The following DCDC2 variants were observed in gnomAD, a reference collection of about 807,000 sequenced individuals.
DCDC2 encodes doublecortin domain containing 2, also known as doublecortin domain-containing protein 2.
Under a neutral mutation model 50.2 loss-of-function variants are expected in DCDC2, and 40 were observed. The ratio of observed to expected loss-of-function variants is 0.80; its 90% CI spans 0.62 to 1.04. DCDC2 has a LOEUF of 1.04. Among genes scored for constraint, DCDC2 ranks in the 50% least tolerant of loss-of-function variants. The pLI, the probability that DCDC2 is intolerant of heterozygous loss-of-function variation, is 0.00. For missense variants in DCDC2, 570 were observed against 581.9 expected, an observed-to-expected ratio of 0.98 and a Z score of 0.21; for synonymous variants, 234 against 210.6, an observed-to-expected ratio of 1.11 and a Z score of -0.96.
chr6:24,263,372 A>G (rs1203192066), intron 7 of DCDC2, among the ~76,000 whole-genome samples: 1 of 152,226 alleles, frequency 6.6e-6, no homozygotes, highest in East Asian at 1.9e-4. Flanking sequence ...CCCGAGAAAC[A>G]TGACCTCACC....
chr6:24,331,440 G>C (rs1346468709), intron 2 of DCDC2, among the ~76,000 whole-genome samples: 1 of 151,606 alleles, frequency 6.6e-6, no homozygotes, highest in Admixed American at 6.6e-5. Context: ...AGCTAGGACA[G>C]GAATAGATGA....
chr6:24,258,285 C>A (rs1762936903), intron 7 of DCDC2, among the ~76,000 whole-genome samples: 2 of 152,014 alleles, frequency 1.3e-5, no homozygotes, highest in African/African-American at 2.4e-5. Context: ...CGGGGGGTGG[C>A]CAGCTTTTAT....
chr6:24,280,264 A>G (rs911955583), intron 6 of DCDC2, among the ~76,000 whole-genome samples: 13 of 152,176 alleles, frequency 8.5e-5, no homozygotes, highest in African/African-American at 3.1e-4. Flanking sequence ...CAGTATGAAA[A>G]CTTGTCCAAA....
chr6:24,360,763 C>T (rs1760653694), upstream of DCDC2, among the ~76,000 whole-genome samples: 1 of 114,326 alleles, frequency 8.7e-6, no homozygotes, highest in South Asian at 2.9e-4. Context: ...ATAAAAAGAA[C>T]TGCCATTAAT....
chr6:24,319,028 A>T (rs1759724712), intron 2 of DCDC2, among the ~76,000 whole-genome samples: 1 of 152,130 alleles, frequency 6.6e-6, no homozygotes, highest in South Asian at 2.1e-4. Flanking sequence ...CAGCAGTTGT[A>T]CTAATTTACA....
chr6:24,367,170 C>T, the DCDC2 span, among the ~76,000 whole-genome samples: 5 of 152,152 alleles, frequency 3.3e-5, no homozygotes, highest in African/African-American at 4.8e-5. Flanking sequence ...ATTGCCAATT[C>T]GGCAAGAATG....
At chr6:24,335,735 C>T (rs370448143) in intron 2 of DCDC2, among the ~76,000 whole-genome samples, 3 of 152,194 alleles carry the variant, frequency 2.0e-5, no homozygotes, top group Admixed American at 6.5e-5. Context: ...AAGCAGGCAA[C>T]GACCTTCTTC....
chr6:24,348,676 G>A (rs947301782), intron 2 of DCDC2, among the ~76,000 whole-genome samples: 11 of 152,080 alleles, frequency 7.2e-5, no homozygotes, highest in Admixed American at 4.6e-4. Flanking sequence ...TGATCTAAGA[G>A]AAGCAGGCTA....
At chr6:24,320,054 A>G (rs562708493) in intron 2 of DCDC2, among the ~76,000 whole-genome samples, 1 of 152,330 alleles carries the variant, frequency 6.6e-6, no homozygotes, top group Non-Finnish European at 1.5e-5. Flanking sequence ...TATATACTGA[A>G]GTCTAACGAC....
At chr6:24,344,671 TTCTG>T (rs1002080817) in intron 2 of DCDC2, among the ~76,000 whole-genome samples, 8 of 152,354 alleles carry the variant, frequency 5.3e-5, no homozygotes, top group South Asian at 2.1e-4. Context: ...ACAGATACAC[TTCTG>T]TCTTTCTTAG....
chr6:24,299,133 T>G (rs73396024), intron 4 of DCDC2, among the ~76,000 whole-genome samples: 4,150 of 152,272 alleles, frequency 0.027, 167 homozygotes, highest in African/African-American at 0.09. Flanking sequence ...ATGGTGTATA[T>G]ACACCATGGA....
At position 24,248,691 on chromosome 6, in the gene DCDC2, A is replaced by G. The variant is rs183084712; in HGVS notation, c.922+29358T>C. On this transcript the variant is annotated intron_variant, in intron 7 of 9. Coordinates refer to ENST00000378454, the MANE Select transcript of DCDC2 (RefSeq NM_016356.5). ...AACATCTGTTTACTACATGCCACGTACTCCACCTGTTAATTGATGACTTAC... is the reference window on the plus strand; with the variant it reads ...AACATCTGTTTACTACATGCCACGTGCTCCACCTGTTAATTGATGACTTAC... Among the ~76,000 whole-genome samples the G allele has an allele frequency of 2.4e-4, 37 of 152,240 alleles. 1 individual carries two copies. The East Asian group carries it at 6.6e-3, about 27-fold the overall frequency.
chr6:24,202,336 A>T (rs1180079927), intron 8 of DCDC2, among the ~76,000 whole-genome samples: 1 of 152,232 alleles, frequency 6.6e-6, no homozygotes, highest in Non-Finnish European at 1.5e-5. Context: ...ACATACACAA[A>T]TCAATAAACG....
chr6:24,183,750 A>T (rs988262742), intron 8 of DCDC2, among the ~76,000 whole-genome samples: 15 of 152,172 alleles, frequency 9.9e-5, no homozygotes, highest in Non-Finnish European at 1.8e-4. Context: ...GATAAATACC[A>T]CTGTCTCCGA....
intron 2 of DCDC2, among the ~76,000 whole-genome samples, chr6:24,343,567 C>A (rs1760200616): frequency 6.6e-6 from 1 of 152,152 alleles, no homozygotes; most frequent in Non-Finnish European, 1.5e-5. Flanking sequence ...AAATATAAAT[C>A]TAAACATTGA....
intron 4 of DCDC2, among the ~76,000 whole-genome samples, chr6:24,295,364 C>A (rs192766687): frequency 2.7e-4 from 41 of 152,236 alleles, no homozygotes; most frequent in South Asian, 1.0e-3. Context: ...TAACATCACA[C>A]GGAATGGGCA....
At position 24,172,497 on chromosome 6, in the gene DCDC2, A is replaced by G. The variant is rs1430890953; in HGVS notation, c.*2233T>C. On this transcript the variant is annotated 3_prime_UTR_variant, in exon 10 of 10. Transcript: ENST00000378454. ...AGGTGTTTCCTAAAACCTAAGTTTC[A>G]TAATATAATGAATAAAAGGACAGGA... 6.6e-6 allele frequency: 1 copy of G among 152,236 alleles called. No homozygotes were observed. Among genetic ancestry groups the G allele is most frequent in the Non-Finnish European group, 1.5e-5 (1 of 68,034 alleles). 9.4% of individuals were successfully genotyped at this position (152,236 alleles called of 1,614,324 possible).
intron 7 of DCDC2, among the ~76,000 whole-genome samples, chr6:24,267,769 G>C (rs1409027663): frequency 1.3e-5 from 2 of 152,168 alleles, no homozygotes; most frequent in Non-Finnish European, 2.9e-5. Context: ...AAGGTCTGAG[G>C]ACTCCACAAG....
chr6:24,328,933 A>G (rs1466792162), intron 2 of DCDC2, among the ~76,000 whole-genome samples: 1 of 152,170 alleles, frequency 6.6e-6, no homozygotes, highest in Non-Finnish European at 1.5e-5. Flanking sequence ...TTTACTTAAT[A>G]TTTCTTGATA....
Sources: allele counts gnomAD v4.1 joint callset (sites outside exome capture counted in the v4.1 genomes callset), GRCh38; gene constraint gnomAD v4.1.1; transcripts MANE v1.5; gene names NCBI Gene and HGNC (gene_info 2026-07-23, HGNC 2026-07-21).